Variants in KCNJ8 observed in about 807,000 individuals in gnomAD.
The protein encoded by KCNJ8 is ATP-sensitive inward rectifier potassium channel 8.
KCNJ8 carries 13 observed loss-of-function variants against 28.2 expected under a neutral mutation model. That is an observed-to-expected ratio of 0.46 (90% CI 0.30 to 0.73). The LOEUF (loss-of-function observed/expected upper bound fraction) is 0.73. Ranked by LOEUF, KCNJ8 falls within the 30% of genes least tolerant of loss-of-function variation. The probability of loss-of-function intolerance (pLI) is 0.07; values close to 1 mark genes in which losing one functional copy is unlikely to be tolerated. For missense variants in KCNJ8, 284 were observed against 542.6 expected, an observed-to-expected ratio of 0.52 and a Z score of 4.73; for synonymous variants, 188 against 195.9, an observed-to-expected ratio of 0.96 and a Z score of 0.34.
In KCNJ8 at chr12:21,765,401, C is replaced by T. The variant is rs1411304356; in HGVS notation, c.*322G>A. The T allele has an allele frequency of 2.6e-5, 10 of 389,968 alleles. No individual in the cohort carries two copies. The highest frequency in any genetic ancestry group is 4.8e-5 in the Non-Finnish European group (10 of 208,804). 24.2% of individuals were successfully genotyped at this position (389,968 alleles called of 1,614,324 possible). ...ATTTCAAACAGACTCATTTCTTGAC[C>T]AAATTTTGTGCTCAAGGCCTGTTAC... is the stretch of plus-strand genomic sequence containing the variant. On this transcript the variant is annotated 3_prime_UTR_variant, in exon 3 of 3. Transcript: ENST00000240662.
At chr12:21,768,042 TG>T (rs1459907748) in intron 2 of KCNJ8, among the ~76,000 whole-genome samples, 1 of 151,764 alleles carries the variant, frequency 6.6e-6, no homozygotes, top group Non-Finnish European at 1.5e-5. Flanking sequence ...AAGACAATAC[TG>T]GGGGGTGTGT....
At chr12:21,767,538 G>A (rs572600640) in intron 2 of KCNJ8, among the ~76,000 whole-genome samples, 400 of 152,172 alleles carry the variant, frequency 2.6e-3, no homozygotes, top group African/African-American at 9.3e-3. Flanking sequence ...AATGCCTCAT[G>A]ATCTGAGGTG....
intron 2 of KCNJ8, among the ~76,000 whole-genome samples, chr12:21,771,841 G>GT (rs1381641229): frequency 2.0e-5 from 3 of 152,018 alleles, no homozygotes; most frequent in Non-Finnish European, 4.4e-5. Context: ...TGATCTTAGA[G>GT]TATCTATTGA....
At chr12:21,774,400 C>T (rs1940839815) in intron 1 of KCNJ8, 146 bp downstream of exon 1, 1 of 145,108 alleles carries the variant, frequency 6.9e-6, no homozygotes, top group Middle Eastern at 3.7e-3. Flanking sequence ...AAACCCAAGA[C>T]AACAGCCTGC....
rs1021203683 is a variant in KCNJ8 at position 21,773,695 on chromosome 12, G to A, written c.-70-9C>T. On this transcript the variant is annotated splice_polypyrimidine_tract_variant and intron_variant, in intron 1 of 2. Coordinates refer to ENST00000240662, the MANE Select transcript of KCNJ8 (RefSeq NM_004982.4). This position sits in a 1 kb window ranked among gnomAD's most constrained non-coding sequence, Gnocchi z 4.6. ...CCTGGACACCCGTCCTCCTGCACGAGGGAAACATTTATTAAAAACTTAAAA... is the reference window on the plus strand; with the variant it reads ...CCTGGACACCCGTCCTCCTGCACGAAGGAAACATTTATTAAAAACTTAAAA... 1 of 1,590,794 alleles carries A rather than the reference G, an allele frequency of 6.3e-7. No homozygotes were observed. Among genetic ancestry groups the A allele is most frequent in the South Asian group, 1.1e-5 (1 of 90,258 alleles).
chr12:21,772,402 A>C (rs1331064660), intron 2 of KCNJ8, among the ~76,000 whole-genome samples: 2 of 152,208 alleles, frequency 1.3e-5, no homozygotes, highest in African/African-American at 4.8e-5. Flanking sequence ...CAAAGAAATC[A>C]CCTCAACTAA....
chr12:21,773,123 G>T lies in KCNJ8; in HGVS notation c.374+120C>A. 4 of 1,186,976 alleles carry T rather than the reference G, an allele frequency of 3.4e-6. No homozygotes were observed. Among genetic ancestry groups the T allele is most frequent in the Non-Finnish European group, 4.9e-6 (4 of 814,114 alleles). The allele number at this position is 1,186,976 out of a possible 1,614,324, so 73.5% of individuals were successfully genotyped here. A position where few individuals can be genotyped will look rare whatever the true frequency, so the allele number is the denominator to read the frequency against. ...TTTATTGTGCTTTTTTGTTTCTGAA[G>T]ATTCTAAAACAAACCCTTTATTTCA... On this transcript the variant is annotated intron_variant, in intron 2 of 2. Coordinates refer to ENST00000240662, the MANE Select transcript of KCNJ8 (RefSeq NM_004982.4). The surrounding 1 kb of genome is among the most constrained non-coding windows in gnomAD (Gnocchi z 4.6).
Position 21,773,723 on chromosome 12 carries a change from C to A in KCNJ8, c.-70-37G>T, listed in dbSNP as rs1940816760. 1.3e-6 allele frequency: 2 copies of A among 1,481,508 alleles called. No individual in the cohort carries two copies. The highest frequency in any genetic ancestry group is 3.3e-5 in the Admixed American group (2 of 59,732). 91.8% of individuals were successfully genotyped at this position (1,481,508 alleles called of 1,614,324 possible). A position where few individuals can be genotyped will look rare whatever the true frequency, so the allele number is the denominator to read the frequency against. On this transcript the variant is annotated intron_variant, in intron 1 of 2. Transcript: ENST00000240662. The surrounding 1 kb of genome is among the most constrained non-coding windows in gnomAD (Gnocchi z 4.6). Reference sequence around the variant, plus strand: ...AAACATTTATTAAAAACTTAAAAACCCACCCTATCCTCACCTCTTGGGTCC... The same window carrying A: ...AAACATTTATTAAAAACTTAAAAACACACCCTATCCTCACCTCTTGGGTCC...
Position 21,765,582 on chromosome 12 carries a change from C to T in KCNJ8, c.*141G>A. The T allele has an allele frequency of 1.3e-6, 1 of 761,572 alleles. No homozygotes were observed. The highest frequency in any genetic ancestry group is 2.3e-6 in the Non-Finnish European group (1 of 430,008). 47.2% of individuals were successfully genotyped at this position (761,572 alleles called of 1,614,324 possible). Reference sequence around the variant, plus strand: ...TTACTTTTTATTACTACAGAAAGTGCTGTTGCTTGAATATGAATATCATTT... The same window carrying T: ...TTACTTTTTATTACTACAGAAAGTGTTGTTGCTTGAATATGAATATCATTT... On this transcript the variant is annotated 3_prime_UTR_variant, in exon 3 of 3. Coordinates refer to ENST00000240662, the MANE Select transcript of KCNJ8 (RefSeq NM_004982.4).
chr12:21,767,183 T>TA (rs907841487), intron 2 of KCNJ8, among the ~76,000 whole-genome samples: 10 of 152,014 alleles, frequency 6.6e-5, no homozygotes, highest in South Asian at 2.1e-4. Flanking sequence ...AGCACAGTGC[T>TA]AAAAAAACTA....
rs759595493 is a variant in KCNJ8 at position 21,773,571 on chromosome 12, G to A, written c.46C>T (p.Arg16Cys). Residue 16 changes from arginine (R) to cysteine (C), a missense_variant, in exon 2 of 3, where the codon CGC (arginine) becomes TGC (cysteine). Physicochemically the swap from Arg to Cys is radical, Grantham distance 180. Around this residue, in one of 8 missense-constraint regions of KCNJ8, gnomAD observed 54 missense variants for 77.5 expected, o/e 0.70. Transcript: ENST00000240662. This position sits in a 1 kb window ranked among gnomAD's most constrained non-coding sequence, Gnocchi z 4.6. ...SIIPEEYVLA[R>C]IAAENLRKPR... Reference sequence around the variant, plus strand: ...TTGCGCAGGTTCTCTGCGGCGATGCGCGCCAGCACATACTCCTCCGGGATG... The same window carrying A: ...TTGCGCAGGTTCTCTGCGGCGATGCACGCCAGCACATACTCCTCCGGGATG... 1 of 1,614,066 alleles carries A rather than the reference G, an allele frequency of 6.2e-7. No homozygotes were observed. The highest frequency in any genetic ancestry group is 2.2e-5 in the East Asian group (1 of 44,884).
intron 2 of KCNJ8, among the ~76,000 whole-genome samples, chr12:21,770,935 T>G (rs1455710115): frequency 6.6e-6 from 1 of 152,226 alleles, no homozygotes; most frequent in Non-Finnish European, 1.5e-5. Flanking sequence ...GTATGTACAG[T>G]GCACTTTGGT....
In KCNJ8 at chr12:21,765,460, A is replaced by C; in HGVS notation, c.*263T>G. The C allele has an allele frequency of 2.0e-6, 1 of 506,606 alleles. No individual in the cohort carries two copies. Among genetic ancestry groups the C allele is most frequent in the Non-Finnish European group, 3.6e-6 (1 of 279,274 alleles). The allele number at this position is 506,606 out of a possible 1,614,324, so 31.4% of individuals were successfully genotyped here. A position where few individuals can be genotyped will look rare whatever the true frequency, so the allele number is the denominator to read the frequency against. On this transcript the variant is annotated 3_prime_UTR_variant, in exon 3 of 3. Coordinates refer to ENST00000240662, the MANE Select transcript of KCNJ8 (RefSeq NM_004982.4). Reference sequence around the variant, plus strand: ...TAATTCTTGTGTTTCAAATTGAGAGAAACGAGCATACCCACCCCTGCACAT... The same window carrying C: ...TAATTCTTGTGTTTCAAATTGAGAGCAACGAGCATACCCACCCCTGCACAT...
At position 21,773,656 on chromosome 12, in the gene KCNJ8, C is replaced by G. The variant is rs114704386; in HGVS notation, c.-40G>C. ...AGCCAGCTTAGCCACCTCCCTCTCACCTGCCTCTCCGTCCCTGGACACCCG... is the reference window on the plus strand; with the variant it reads ...AGCCAGCTTAGCCACCTCCCTCTCAGCTGCCTCTCCGTCCCTGGACACCCG... On this transcript the variant is annotated 5_prime_UTR_variant, in exon 2 of 3. Transcript: ENST00000240662. The surrounding 1 kb of genome is among the most constrained non-coding windows in gnomAD (Gnocchi z 4.6). 3 of 1,606,974 alleles carry G rather than the reference C, an allele frequency of 1.9e-6. No homozygotes were observed. Among genetic ancestry groups the G allele is most frequent in the Admixed American group, 3.3e-5 (2 of 60,024 alleles).
intron 2 of KCNJ8, among the ~76,000 whole-genome samples, chr12:21,770,296 TTGAGA>T (rs1310070802): frequency 6.6e-6 from 1 of 152,156 alleles, no homozygotes; most frequent in Non-Finnish European, 1.5e-5. Context: ...ATTTTTTGAA[TTGAGA>T]TATGTATATT....
rs1940618749 is a variant in KCNJ8, at chr12:21,766,280, C to T, written c.718G>A (p.Val240Met). The change falls in exon 3 of 3, where the codon GTG becomes ATG. Residue 240 changes from valine (V) to methionine (M), a missense_variant. Val to Met is a conservative substitution (Grantham distance 21). Around this residue, in one of 8 missense-constraint regions of KCNJ8, gnomAD observed 107 missense variants for 235.6 expected, o/e 0.45. Transcript: ENST00000240662. This position sits in a 1 kb window ranked among gnomAD's most constrained non-coding sequence, Gnocchi z 6.5. ...ATGTCCAGTTGGTGAATAGGAACCA[C>T]CTCCCCTTCAGGTGTAGTTGTTTTC... The part of the protein sequence containing the change: ...VKKTTTPEGE[V>M]VPIHQLDIPV... 6.2e-7 allele frequency: 1 copy of T among 1,614,120 alleles called. No homozygotes were observed.
chr12:21,766,661 C>A lies in KCNJ8; in HGVS notation c.375-38G>T. ...ATATCAGAAAAGAACACCATCAGGT[C>A]ACATTTTGAATAATGAAATATGCCA... On this transcript the variant is annotated intron_variant, in intron 2 of 2. Coordinates refer to ENST00000240662, the MANE Select transcript of KCNJ8 (RefSeq NM_004982.4). The surrounding 1 kb of genome is among the most constrained non-coding windows in gnomAD (Gnocchi z 6.5). The A allele has an allele frequency of 6.7e-7, 1 of 1,500,406 alleles. No individual in the cohort carries two copies. Among genetic ancestry groups the A allele is most frequent in the South Asian group, 1.1e-5 (1 of 87,656 alleles). 92.9% of individuals were successfully genotyped at this position (1,500,406 alleles called of 1,614,324 possible). A position where few individuals can be genotyped will look rare whatever the true frequency, so the allele number is the denominator to read the frequency against.
Position 21,766,244 on chromosome 12 carries a change from T to C in KCNJ8, c.754A>G (p.Asn252Asp). The C allele has an allele frequency of 2.5e-6, 4 of 1,614,136 alleles. No individual in the cohort carries two copies. The highest frequency in any genetic ancestry group is 3.4e-6 in the Non-Finnish European group (4 of 1,180,018). ...PIHQLDIPVD[N>D]PIESNNIFLV... ...AAAATGTTATTGCTCTCGATTGGGT[T>C]ATCAACAGGAATGTCCAGTTGGTGA... Residue 252 changes from asparagine to aspartate, a missense_variant, in exon 3 of 3, where the codon AAC becomes GAC. By Grantham distance (23) the Asn-to-Asp change is conservative (BLOSUM62 1). Around this residue, in one of 8 missense-constraint regions of KCNJ8, gnomAD observed 107 missense variants for 235.6 expected, o/e 0.45. Coordinates refer to ENST00000240662, the MANE Select transcript of KCNJ8 (RefSeq NM_004982.4). This position sits in a 1 kb window ranked among gnomAD's most constrained non-coding sequence, Gnocchi z 6.5.
rs746589384 is a variant in KCNJ8 at position 21,773,550 on chromosome 12, G to C, written c.67C>G (p.Arg23Gly). 3 of 1,614,190 alleles carry C rather than the reference G, an allele frequency of 1.9e-6. No individual in the cohort carries two copies. In the South Asian group the frequency reaches 3.3e-5, roughly 18 times the overall value. The stretch of plus-strand genomic sequence containing the variant: ...AGGCGGTCTCGGATGCGCGGCTTGC[G>C]CAGGTTCTCTGCGGCGATGCGCGCC... ...VLARIAAENL[R>G]KPRIRDRLPK... The change falls in exon 2 of 3, where the codon CGC becomes GGC. Residue 23 changes from arginine to glycine, a missense_variant. By Grantham distance (125) the Arg-to-Gly change is moderately radical (BLOSUM62 -2). Transcript: ENST00000240662. This position sits in a 1 kb window ranked among gnomAD's most constrained non-coding sequence, Gnocchi z 4.6.
Sources: allele counts gnomAD v4.1 joint callset (sites outside exome capture counted in the v4.1 genomes callset), GRCh38; gene constraint gnomAD v4.1.1; regional missense constraint gnomAD v4.1.1; non-coding constraint Gnocchi (gnomAD v3.1); transcripts MANE v1.5; gene names NCBI Gene and HGNC (gene_info 2026-07-23, HGNC 2026-07-21).